KCTD16: variants seen among roughly 807,000 people sequenced by gnomAD.
KCTD16 encodes the protein potassium channel tetramerization domain containing 16.
Under a neutral mutation model 33.2 loss-of-function variants are expected in KCTD16, and 13 were observed. That is an observed-to-expected ratio of 0.39 (90% CI 0.25 to 0.62). KCTD16 has a LOEUF of 0.62. Among genes scored for constraint, KCTD16 ranks in the 20% least tolerant of loss-of-function variants. KCTD16 has a pLI of 0.50. For synonymous variants in KCTD16, 197 were observed against 195.3 expected (o/e 1.01, Z -0.07); for missense variants, 441 against 525.1 (o/e 0.84, Z 1.57).
intron 3 of KCTD16, among the ~76,000 whole-genome samples, chr5:144,262,572 A>G (rs1580829040): frequency 6.6e-6 from 1 of 152,232 alleles, no homozygotes; most frequent in East Asian, 1.9e-4. Flanking sequence ...AACCACTTGA[A>G]GAAACATAAG....
At chr5:144,370,449 T>C (rs956137389) in intron 3 of KCTD16, among the ~76,000 whole-genome samples, 1 of 152,228 alleles carries the variant, frequency 6.6e-6, no homozygotes, top group Admixed American at 6.5e-5. Context: ...TATTTATTTT[T>C]TGATGGCAGA....
intron 3 of KCTD16, among the ~76,000 whole-genome samples, chr5:144,380,525 C>T (rs201407015): frequency 6.6e-6 from 1 of 152,194 alleles, no homozygotes; most frequent in African/African-American, 2.4e-5. Flanking sequence ...AGGAGCCTAA[C>T]TAGCCATAGC....
At chr5:144,310,685 A>G (rs1751741888) in intron 3 of KCTD16, among the ~76,000 whole-genome samples, 1 of 152,154 alleles carries the variant, frequency 6.6e-6, no homozygotes, top group Non-Finnish European at 1.5e-5. Flanking sequence ...TATTTCTCAA[A>G]CATACAGAGC....
At chr5:144,225,253 A>T (rs1753894977) in intron 3 of KCTD16, among the ~76,000 whole-genome samples, 1 of 152,054 alleles carries the variant, frequency 6.6e-6, no homozygotes, top group Non-Finnish European at 1.5e-5. Context: ...TTCCTCTTCA[A>T]ATTTCAAGTT....
intron 3 of KCTD16, among the ~76,000 whole-genome samples, chr5:144,246,779 C>A (rs575242326): frequency 3.3e-5 from 5 of 152,170 alleles, no homozygotes; most frequent in African/African-American, 1.2e-4. Flanking sequence ...TCGTCCTTGT[C>A]ATCATCGTCT....
At chr5:144,398,708 A>ACACTCTCTCT (rs1554092476) in intron 3 of KCTD16, among the ~76,000 whole-genome samples, 41 of 145,530 alleles carry the variant, frequency 2.8e-4, no homozygotes, top group African/African-American at 9.8e-4. Context: ...ACACACACAC[A>ACACTCTCTCT]CTCTCTCTCT....
At chr5:144,347,492 G>A (rs1291338303) in intron 3 of KCTD16, among the ~76,000 whole-genome samples, 3 of 152,168 alleles carry the variant, frequency 2.0e-5, no homozygotes, top group African/African-American at 7.2e-5. Context: ...CTACTTGGGA[G>A]GCTGAAGCAG....
At chr5:144,445,893 T>C (rs1038249242) in intron 3 of KCTD16, among the ~76,000 whole-genome samples, 2 of 151,990 alleles carry the variant, frequency 1.3e-5, no homozygotes, top group Non-Finnish European at 2.9e-5. Flanking sequence ...ATCCTTCCAG[T>C]CTAGTTTAGG....
intron 2 of KCTD16, among the ~76,000 whole-genome samples, chr5:144,201,446 G>A (rs1753043664): frequency 6.6e-6 from 1 of 151,972 alleles, no homozygotes; most frequent in Non-Finnish European, 1.5e-5. Flanking sequence ...TCTATGTTTG[G>A]GCATCTTTTG....
At chr5:144,415,617 C>T (rs1017993628) in intron 3 of KCTD16, among the ~76,000 whole-genome samples, 1 of 152,112 alleles carries the variant, frequency 6.6e-6, no homozygotes, top group Admixed American at 6.6e-5. Context: ...ACAAAAAATC[C>T]TGATCCATGG....
chr5:144,235,879 TG>T (rs1302167389), intron 3 of KCTD16, among the ~76,000 whole-genome samples: 5 of 152,096 alleles, frequency 3.3e-5, no homozygotes, highest in Non-Finnish European at 7.4e-5. Context: ...AGAATATGAA[TG>T]TTCTCATTTC....
chr5:144,358,467 T>G (rs1293734940), intron 3 of KCTD16, among the ~76,000 whole-genome samples: 2 of 152,198 alleles, frequency 1.3e-5, no homozygotes. Context: ...ATTTATTGAA[T>G]GATAGTATAT....
chr5:144,424,611 T>C (rs1753282646), intron 3 of KCTD16, among the ~76,000 whole-genome samples: 1 of 152,156 alleles, frequency 6.6e-6, no homozygotes, highest in Admixed American at 6.6e-5. Context: ...GAGTAGAAGT[T>C]TATTTGGCTC....
At chr5:144,264,645 C>T (rs555291984) in intron 3 of KCTD16, among the ~76,000 whole-genome samples, 33 of 152,128 alleles carry the variant, frequency 2.2e-4, no homozygotes, top group African/African-American at 7.7e-4. Context: ...TGGTGGTGCC[C>T]GCCTGTGATT....
intron 3 of KCTD16, among the ~76,000 whole-genome samples, chr5:144,259,082 C>A (rs193023022): frequency 3.3e-5 from 5 of 151,902 alleles, no homozygotes; most frequent in Non-Finnish European, 5.9e-5. Flanking sequence ...CACGGTGAAA[C>A]CCCGTCTCTA....
intron 2 of KCTD16, among the ~76,000 whole-genome samples, chr5:144,193,437 A>G (rs952883047): frequency 5.3e-5 from 8 of 151,822 alleles, no homozygotes; most frequent in African/African-American, 1.9e-4. Context: ...CCTAGAGCAC[A>G]CTGTTCCCAG....
intron 3 of KCTD16, among the ~76,000 whole-genome samples, chr5:144,363,517 C>G (rs1345876400): frequency 6.6e-6 from 1 of 151,956 alleles, no homozygotes; most frequent in African/African-American, 2.4e-5. Context: ...CATAGATGCT[C>G]TCTGCACCTG....
chr5:144,287,292 A>G (rs905414755), intron 3 of KCTD16, among the ~76,000 whole-genome samples: 2 of 95,522 alleles, frequency 2.1e-5, no homozygotes, highest in Non-Finnish European at 5.5e-5. Flanking sequence ...GTGTTTTGTC[A>G]TCAGTGGGGA....
rs144098621 is a variant in KCTD16, at chr5:144,210,895, A to G, written c.832+3349A>G. Among the ~76,000 whole-genome samples, 862 of 152,292 alleles carry G rather than the reference A, an allele frequency of 5.7e-3. 7 individuals are homozygous for G. Among genetic ancestry groups the G allele is most frequent in the Non-Finnish European group, 8.0e-3 (545 of 68,002 alleles). On this transcript the variant is annotated intron_variant, in intron 3 of 3. Transcript: ENST00000512467. The stretch of plus-strand genomic sequence containing the variant: ...ATTTGCCTCTAATAAAGCTGTGATA[A>G]CGTGACCACACTTAGGGAGGTTAAT...
Sources: gnomAD v4.1 joint callset for allele counts (sites outside exome capture counted in the v4.1 genomes callset) on GRCh38, gnomAD v4.1.1 for gene constraint, MANE v1.5 for transcripts, NCBI Gene and HGNC (gene_info 2026-07-23, HGNC 2026-07-21) for gene names.